The following TEX14 variants were observed in gnomAD, a reference collection of about 807,000 sequenced individuals.
TEX14 encodes testis expressed 14, intercellular bridge forming factor, also known as inactive serine/threonine-protein kinase TEX14.
TEX14 carries 168 observed loss-of-function variants against 178.6 expected under a neutral mutation model. The observed-to-expected ratio is 0.94, with a 90% CI of 0.83 to 1.07. The LOEUF (loss-of-function observed/expected upper bound fraction) is 1.07, where lower values mean the gene tolerates loss of function less well. Among genes scored for constraint, TEX14 ranks in the 50% least tolerant of loss-of-function variants. The pLI, the probability that TEX14 is intolerant of heterozygous loss-of-function variation, is 0.00. For synonymous variants in TEX14, 626 were observed against 634.1 expected, an observed-to-expected ratio of 0.99 and a Z score of 0.19; for missense variants, 1,730 against 1,753.6, an observed-to-expected ratio of 0.99 and a Z score of 0.24.
chr17:58,617,213 T>C (rs1050428895), intron 6 of TEX14, among the ~76,000 whole-genome samples: 2 of 152,102 alleles, frequency 1.3e-5, no homozygotes, highest in African/African-American at 4.8e-5. Context: ...ATCGCGCCAC[T>C]GCACTCCAGC....
Position 58,599,580 on chromosome 17 carries a change from T to C in TEX14, c.1765A>G (p.Arg589Gly). 6.2e-7 allele frequency: 1 copy of C among 1,614,034 alleles called. No homozygotes were observed. The highest frequency in any genetic ancestry group is 8.5e-7 in the Non-Finnish European group (1 of 1,179,990). ...PQAPDPCLMA[R>G]ETQNQDAPCP... ...GGAGCATCTTGATTCTGAGTCTCCC[T>C]GGCCATCAGACATGGATCTGGGGCC... is the stretch of plus-strand genomic sequence containing the variant. Residue 589 changes from arginine to glycine, a missense_variant, in exon 14 of 32, where the codon AGG becomes GGG. Physicochemically the swap from Arg to Gly is moderately radical, Grantham distance 125 (BLOSUM62 -2). This residue lies in a region of TEX14 where 941 missense variants were observed against 1,072.4 expected (regional missense o/e 0.88). Transcript: ENST00000349033.
At chr17:58,648,727 G>C (rs1005441351) in intron 2 of TEX14, among the ~76,000 whole-genome samples, 2 of 151,586 alleles carry the variant, frequency 1.3e-5, no homozygotes, top group African/African-American at 4.8e-5. Flanking sequence ...CTCTTGTCTT[G>C]AGACTGGCAA....
intron 8 of TEX14, among the ~76,000 whole-genome samples, chr17:58,614,304 AGAT>A (rs1176473376): frequency 9.2e-5 from 14 of 152,278 alleles, no homozygotes; most frequent in African/African-American, 4.8e-5. Flanking sequence ...AGCCTGGCCA[AGAT>A]GATGAAACCC....
At chr17:58,606,329 A>G (rs2045606391) in intron 10 of TEX14, among the ~76,000 whole-genome samples, 1 of 152,196 alleles carries the variant, frequency 6.6e-6, no homozygotes, top group South Asian at 2.1e-4. Context: ...TATGAATATT[A>G]TGGGAGGCAT....
chr17:58,573,137 G>A, intron 23 of TEX14, 44 bp downstream of exon 23: 1 of 1,608,048 alleles, frequency 6.2e-7, no homozygotes, highest in Non-Finnish European at 8.5e-7. Flanking sequence ...ATGGGCTGGG[G>A]CTGTAAGTCC....
chr17:58,601,529 A>G (rs1218007871), intron 13 of TEX14, among the ~76,000 whole-genome samples: 3 of 151,568 alleles, frequency 2.0e-5, no homozygotes, highest in Admixed American at 2.0e-4. Context: ...CTCAAAAAAA[A>G]AAAAAAAGAA....
At chr17:58,635,132 C>A (rs1300046948) in intron 2 of TEX14, among the ~76,000 whole-genome samples, 19 of 144,162 alleles carry the variant, frequency 1.3e-4, no homozygotes, top group African/African-American at 7.7e-5. Context: ...AACTCTGTCT[C>A]AAAAAAAAAA....
At position 58,599,973 on chromosome 17, in the gene TEX14, A is replaced by G. The variant is rs533094814; in HGVS notation, c.1679-307T>C. Among the ~76,000 whole-genome samples the G allele has an allele frequency of 6.6e-5, 10 of 152,288 alleles. 1 individual carries two copies. The South Asian group carries it at 1.7e-3, about 25-fold the overall frequency. ...TCCAAACATGCATAACTGTCAGGACATGCAAATTAGAGGCCCCTGAATCTT... is the reference window on the plus strand; with the variant it reads ...TCCAAACATGCATAACTGTCAGGACGTGCAAATTAGAGGCCCCTGAATCTT... On this transcript the variant is annotated intron_variant, in intron 13 of 31. Coordinates refer to ENST00000349033, the MANE Select transcript of TEX14 (RefSeq NM_031272.5).
chr17:58,669,985 A>ACTGT (rs1209498011), intron 1 of TEX14, among the ~76,000 whole-genome samples: 1 of 152,046 alleles, frequency 6.6e-6, no homozygotes, highest in Non-Finnish European at 1.5e-5. Flanking sequence ...GCCTGCCTGT[A>ACTGT]CTGTCCACCA....
Position 58,587,561 on chromosome 17 carries a change from A to G in TEX14, c.2788+20T>C, listed in dbSNP as rs1567720755. The G allele has an allele frequency of 7.1e-7, 1 of 1,407,920 alleles. No individual in the cohort carries two copies. Among genetic ancestry groups the G allele is most frequent in the Non-Finnish European group, 1.0e-6 (1 of 1,004,010 alleles). The allele number at this position is 1,407,920 out of a possible 1,614,324, so 87.2% of individuals were successfully genotyped here. On this transcript the variant is annotated intron_variant, in intron 17 of 31. Coordinates refer to ENST00000349033, the MANE Select transcript of TEX14 (RefSeq NM_031272.5). ...TTTAAATTTCATTTTGTCTAATAAA[A>G]CCCATGACTTTATACTCACTTTTCC... is the stretch of plus-strand genomic sequence containing the variant.
chr17:58,586,193 C>CTTTTTACAG, intron 17 of TEX14, 111 bp from the exon 18 acceptor site: 1 of 1,230,064 alleles, frequency 8.1e-7, no homozygotes, highest in Non-Finnish European at 1.1e-6. Context: ...TAACAATTGC[C>CTTTTTACAG]TTTTTACAGT....
At chr17:58,653,053 C>T (rs550476101) in intron 1 of TEX14, among the ~76,000 whole-genome samples, 1 of 152,286 alleles carries the variant, frequency 6.6e-6, no homozygotes, top group South Asian at 2.1e-4. Context: ...CCTCCTGCCT[C>T]AGCCTCCCGA....
chr17:58,616,379 C>G (rs1186715395), intron 6 of TEX14, 74 bp from the exon 7 acceptor site: 2 of 1,549,876 alleles, frequency 1.3e-6, no homozygotes, highest in South Asian at 1.2e-5. Context: ...TCTTATCAGC[C>G]AGCTAAAAGA....
At chr17:58,577,498 T>TA (rs1374534535) in intron 20 of TEX14, 42 bp from the exon 21 acceptor site, 1 of 742,402 alleles carries the variant, frequency 1.3e-6, no homozygotes, top group East Asian at 3.5e-5. Flanking sequence ...TATTTTTTTT[T>TA]ACTGAATCTT....
intron 19 of TEX14, among the ~76,000 whole-genome samples, chr17:58,580,466 T>G (rs1375150771): frequency 6.6e-6 from 1 of 152,122 alleles, no homozygotes; most frequent in African/African-American, 2.4e-5. Context: ...CACCTGCCAC[T>G]GCGCCCGGTT....
intron 1 of TEX14, among the ~76,000 whole-genome samples, chr17:58,685,868 A>C (rs543229542): frequency 1.3e-5 from 2 of 151,378 alleles, no homozygotes; most frequent in East Asian, 3.9e-4. Context: ...GGTGGTGTGC[A>C]CCTGTAATCC....
At chr17:58,581,798 T>C in intron 19 of TEX14, 3 of 1,565,342 alleles carry the variant, frequency 1.9e-6, no homozygotes, top group Non-Finnish European at 2.6e-6. Flanking sequence ...TATAGTTGGA[T>C]GCAGTGTTAA....
chr17:58,593,065 AAC>A (rs1160457810), intron 15 of TEX14, among the ~76,000 whole-genome samples: 2 of 152,070 alleles, frequency 1.3e-5, no homozygotes, highest in African/African-American at 4.8e-5. Context: ...CATATATACA[AAC>A]ACACACACAC....
chr17:58,631,860 C>G (rs189257140), intron 2 of TEX14: 2 of 152,322 alleles, frequency 1.3e-5, no homozygotes, highest in South Asian at 4.1e-4. Flanking sequence ...GTGCCTTCCA[C>G]ATGCGAAAGA....
Sources: allele counts gnomAD v4.1 joint callset (sites outside exome capture counted in the v4.1 genomes callset), GRCh38; gene constraint gnomAD v4.1.1; regional missense constraint gnomAD v4.1.1; transcripts MANE v1.5; gene names NCBI Gene and HGNC (gene_info 2026-07-23, HGNC 2026-07-21).